BICRA: variants seen among roughly 807,000 people sequenced by gnomAD.
BICRA encodes the protein BRD4-interacting chromatin-remodeling complex-associated protein.
Under a neutral mutation model 96.9 loss-of-function variants are expected in BICRA, and 31 were observed. The observed-to-expected ratio is 0.32, with a 90% CI of 0.24 to 0.43. The LOEUF is 0.43. Among genes scored for constraint, BICRA ranks in the 20% least tolerant of loss-of-function variants. The pLI, the probability that BICRA is intolerant of heterozygous loss-of-function variation, is 1.00. For missense variants in BICRA, 2,283 were observed against 2,190.3 expected (o/e 1.04, Z -0.84); for synonymous variants, 1,350 against 1,071.8 (o/e 1.26, Z -5.07).
At chr19:47,631,502 A>C (rs1175254283) in intron 1 of BICRA, among the ~76,000 whole-genome samples, 1 of 152,044 alleles carries the variant, frequency 6.6e-6, no homozygotes, top group Non-Finnish European at 1.5e-5. Flanking sequence ...ATCTGGGATT[A>C]TAGGCATGAG....
At position 47,686,091 on chromosome 19, in the gene BICRA, C is replaced by T. The variant is rs113179574; in HGVS notation, c.2283+3939C>T. On this transcript the variant is annotated intron_variant, in intron 7 of 14. Transcript: ENST00000594866. ...GACTACAGGCGCACGCCACCGCATCCAGCTAATATTTGTATTTTTAGTAGA... is the reference window on the plus strand; with the variant it reads ...GACTACAGGCGCACGCCACCGCATCTAGCTAATATTTGTATTTTTAGTAGA... Among the ~76,000 whole-genome samples the T allele has an allele frequency of 1.1e-3, 161 of 151,576 alleles. 4 individuals carry two copies. Among genetic ancestry groups the T allele is most frequent in the African/African-American group, 3.8e-3 (157 of 41,332 alleles).
In BICRA at chr19:47,701,736, C is replaced by T. The variant is rs764668139; in HGVS notation, c.4004C>T (p.Pro1335Leu). 27 of 1,564,738 alleles carry T rather than the reference C, an allele frequency of 1.7e-5. No homozygotes were observed. In the Admixed American group the frequency reaches 3.8e-4, roughly 22 times the overall value. ...CTGGACCCCGTGCACCAGCCCCCGC[C>T]ACCCCCCGCTACCCTCAAGGTGGCC... ...TALDPVHQPP[P>L]PPATLKVAEP... is the part of the protein sequence containing the mutation. The change falls in exon 15 of 15, where the codon CCA becomes CTA. Residue 1335 changes from proline (P) to leucine (L), a missense_variant. By Grantham distance (98) the Pro-to-Leu change is moderately conservative (BLOSUM62 -3). Transcript: ENST00000594866. The surrounding 1 kb of genome is among the most constrained non-coding windows in gnomAD (Gnocchi z 5.4).
chr19:47,661,436 G>C (rs1945094873), intron 1 of BICRA, among the ~76,000 whole-genome samples: 1 of 151,964 alleles, frequency 6.6e-6, no homozygotes, highest in Non-Finnish European at 1.5e-5. Context: ...GCGAGGAAGG[G>C]GGTTCGCGGG....
intron 1 of BICRA, among the ~76,000 whole-genome samples, chr19:47,665,821 G>A (rs1972770233): frequency 6.6e-6 from 1 of 152,188 alleles, no homozygotes; most frequent in Non-Finnish European, 1.5e-5. Flanking sequence ...ATACCAGGGT[G>A]TTTGGAAGGA....
At chr19:47,627,429 T>C (rs545301299) in intron 1 of BICRA, among the ~76,000 whole-genome samples, 1 of 152,264 alleles carries the variant, frequency 6.6e-6, no homozygotes, top group Admixed American at 6.5e-5. Flanking sequence ...AAATGCTGCA[T>C]TTATGGCAAT....
At chr19:47,682,971 C>T (rs1428721452) in intron 7 of BICRA, among the ~76,000 whole-genome samples, 5 of 152,218 alleles carry the variant, frequency 3.3e-5, no homozygotes, top group Middle Eastern at 3.4e-3. Context: ...TGTGCCTGGC[C>T]CCATTCTTCA....
chr19:47,669,536 A>G (rs1386416100), intron 1 of BICRA, among the ~76,000 whole-genome samples: 1 of 152,164 alleles, frequency 6.6e-6, no homozygotes, highest in Non-Finnish European at 1.5e-5. Context: ...ATGTGTATAC[A>G]TAGTATATAA....
rs1028185407 is a variant in BICRA at position 47,677,620 on chromosome 19, C to T, written c.151-1701C>T. On this transcript the variant is annotated intron_variant, in intron 5 of 14. Coordinates refer to ENST00000594866, the MANE Select transcript of BICRA (RefSeq NM_001394372.1). ...CTAAGGCAGGAGAATTGCTTGAACT[C>T]GTGGGCGGAGATTGTGGTGAGCCAG... Among the ~76,000 whole-genome samples the T allele has an allele frequency of 3.3e-5, 5 of 152,260 alleles. No homozygotes were observed. The South Asian group carries it at 6.2e-4, about 19-fold the overall frequency.
chr19:47,693,023 G>C (rs192994386), intron 7 of BICRA, among the ~76,000 whole-genome samples: 300 of 152,348 alleles, frequency 2.0e-3, no homozygotes, highest in African/African-American at 6.9e-3. Context: ...TCTGTGAAAT[G>C]GGTCCAGTGT....
chr19:47,615,620 T>TTG (rs1971973340), intron 1 of BICRA: 1 of 152,146 alleles, frequency 6.6e-6, no homozygotes, highest in Non-Finnish European at 1.5e-5. Flanking sequence ...GGTAAGGCTC[T>TTG]TGTGAGGGTC....
intron 1 of BICRA, among the ~76,000 whole-genome samples, chr19:47,668,054 C>A (rs1484725733): frequency 6.6e-6 from 1 of 152,120 alleles, no homozygotes; most frequent in Non-Finnish European, 1.5e-5. Flanking sequence ...CATAGTGAAA[C>A]TCTGTCTTTA....
At chr19:47,649,616 A>G (rs1248728242) in intron 1 of BICRA, among the ~76,000 whole-genome samples, 2 of 152,220 alleles carry the variant, frequency 1.3e-5, no homozygotes, top group Non-Finnish European at 2.9e-5. Context: ...TACTAATGGA[A>G]TAGAACAGAG....
chr19:47,670,493 G>A lies in BICRA; in HGVS notation c.-57G>A, dbSNP rs1371322877. ...AGTCCCCAGCTGGGGGCCCTGTGTA[G>A]ACCTGGAGTGGACACGCCCCTCCTT... On this transcript the variant is annotated 5_prime_UTR_variant, in exon 2 of 15. Transcript: ENST00000594866. 1 of 152,116 alleles carries A rather than the reference G, an allele frequency of 6.6e-6. No individual in the cohort carries two copies. Among genetic ancestry groups the A allele is most frequent in the Non-Finnish European group, 1.5e-5 (1 of 68,026 alleles). The allele number at this position is 152,116 out of a possible 1,614,324, so 9.4% of individuals were successfully genotyped here. A position where few individuals can be genotyped will look rare whatever the true frequency, so the allele number is the denominator to read the frequency against.
In BICRA at chr19:47,682,021, G is replaced by A. The variant is rs377108443; in HGVS notation, c.2152G>A (p.Val718Met). Residue 718 changes from valine to methionine, a missense_variant, in exon 7 of 15, where the codon GTG becomes ATG. Transcript: ENST00000594866. ...PLSAEGPHLSVPASVIVSAPP... is the reference protein window; with the variant it reads ...PLSAEGPHLSMPASVIVSAPP... ...CTCCGCAGAGGGCCCCCACCTCTCC[G>A]TGCCTGCCTCGGTCATAGTCAGCGC... 238 of 1,571,738 alleles carry A rather than the reference G, an allele frequency of 1.5e-4. No individual in the cohort carries two copies. Among genetic ancestry groups the A allele is most frequent in the Non-Finnish European group, 1.9e-4 (222 of 1,162,620 alleles).
At chr19:47,665,181 TC>T (rs35167589) in intron 1 of BICRA, among the ~76,000 whole-genome samples, 23,001 of 152,102 alleles carry the variant, frequency 0.15, 1,828 homozygotes, top group South Asian at 0.2. Flanking sequence ...CCTTTTGCTG[TC>T]CTCAGCACCC....
chr19:47,680,990 C>A lies in BICRA; in HGVS notation c.1820C>A (p.Thr607Asn). The A allele has an allele frequency of 6.8e-7, 1 of 1,462,488 alleles. No individual in the cohort carries two copies. The highest frequency in any genetic ancestry group is 9.0e-7 in the Non-Finnish European group (1 of 1,116,320). The allele number at this position is 1,462,488 out of a possible 1,614,324, so 90.6% of individuals were successfully genotyped here. Residue 607 changes from threonine (T) to asparagine (N), a missense_variant, in exon 6 of 15, where the codon ACC (threonine) becomes AAC (asparagine). Physicochemically the swap from Thr to Asn is moderately conservative, Grantham distance 65. Coordinates refer to ENST00000594866, the MANE Select transcript of BICRA (RefSeq NM_001394372.1). ...NTPDGLVQPA[T>N]PAAATGEAAP... Reference sequence around the variant, plus strand: ...CCCGACGGCCTGGTGCAGCCGGCCACCCCTGCCGCTGCCACCGGGGAGGCC... The same window carrying A: ...CCCGACGGCCTGGTGCAGCCGGCCAACCCTGCCGCTGCCACCGGGGAGGCC...
chr19:47,661,317 G>A (rs1224480511), intron 1 of BICRA, among the ~76,000 whole-genome samples: 1 of 152,054 alleles, frequency 6.6e-6, no homozygotes, highest in Non-Finnish European at 1.5e-5. Flanking sequence ...GGGCTCATGG[G>A]ACAGAATCTG....
At position 47,627,713 on chromosome 19, in the gene BICRA, G is replaced by T. The variant is rs73943826; in HGVS notation, c.-108+18545G>T. Among the ~76,000 whole-genome samples, 145 of 152,284 alleles carry T rather than the reference G, an allele frequency of 9.5e-4. 1 individual carries two copies. Among genetic ancestry groups the T allele is most frequent in the African/African-American group, 3.3e-3 (138 of 41,568 alleles). On this transcript the variant is annotated intron_variant, in intron 1 of 14. Transcript: ENST00000594866. ...GGAGGTTGGAATTGCAGATTAGGGG[G>T]CCACAGACCTAAAATGCCTACCGAG...
Position 47,635,660 on chromosome 19 carries a change from T to C in BICRA, c.-108+26492T>C, listed in dbSNP as rs915406823. Among the ~76,000 whole-genome samples, 3 of 152,260 alleles carry C rather than the reference T, an allele frequency of 2.0e-5. No homozygotes were observed. The East Asian group carries it at 5.8e-4, about 29-fold the overall frequency. The stretch of plus-strand genomic sequence containing the variant: ...AAAACTCTTCTGCTTTCTGTCTCAT[T>C]GAATTCCCTACTCTAGGCACCTCAT... On this transcript the variant is annotated intron_variant, in intron 1 of 14. Coordinates refer to ENST00000594866, the MANE Select transcript of BICRA (RefSeq NM_001394372.1).
Sources: allele counts gnomAD v4.1 joint callset (sites outside exome capture counted in the v4.1 genomes callset), GRCh38; gene constraint gnomAD v4.1.1; non-coding constraint Gnocchi (gnomAD v3.1); transcripts MANE v1.5; gene names NCBI Gene and HGNC (gene_info 2026-07-23, HGNC 2026-07-21).